Variants in CROCC observed in about 807,000 individuals in gnomAD.
The protein encoded by CROCC is ciliary rootlet coiled-coil, rootletin.
In CROCC, 180 loss-of-function variants were observed where a neutral mutation model predicts 245.2. That is an observed-to-expected ratio of 0.73 (90% CI 0.65 to 0.83). The LOEUF (loss-of-function observed/expected upper bound fraction) is 0.83, where lower values mean the gene tolerates loss of function less well. CROCC is among the 40% of genes least tolerant of loss of function. The pLI, the probability that CROCC is intolerant of heterozygous loss-of-function variation, is 0.00. For missense variants in CROCC, 2,688 were observed against 2,779.4 expected (o/e 0.97, Z 0.74); for synonymous variants, 1,205 against 1,241.6 (o/e 0.97, Z 0.62).
At position 16,954,433 on chromosome 1, in the gene CROCC, C is replaced by T. The variant is rs1477684462; in HGVS notation, c.3321+76C>T. ...TGGCTGAGGAGCCCCCACCACGGGG[C>T]GGCATGGCCCTGTCCTGGAGAAGCT... On this transcript the variant is annotated intron_variant, in intron 22 of 36. Coordinates refer to ENST00000375541, the MANE Select transcript of CROCC (RefSeq NM_014675.5). This position sits in a 1 kb window ranked among gnomAD's most constrained non-coding sequence, Gnocchi z 4.4. 40 of 1,528,394 alleles carry T rather than the reference C, an allele frequency of 2.6e-5. No individual in the cohort carries two copies. Among genetic ancestry groups the T allele is most frequent in the African/African-American group, 8.3e-5 (6 of 72,646 alleles). The allele number at this position is 1,528,394 out of a possible 1,614,324, so 94.7% of individuals were successfully genotyped here.
At chr1:16,947,176 C>T (rs115046634) in intron 17 of CROCC, among the ~76,000 whole-genome samples, 185 bp downstream of exon 17, 1 of 152,272 alleles carries the variant, frequency 6.6e-6, no homozygotes, top group East Asian at 1.9e-4. Flanking sequence ...CTCAGTTGCC[C>T]CATCTATAAC....
chr1:16,947,739 ATATT>A (rs2076081599), intron 17 of CROCC, among the ~76,000 whole-genome samples: 1 of 152,202 alleles, frequency 6.6e-6, no homozygotes, highest in African/African-American at 2.4e-5. Flanking sequence ...TCTGGTTTAT[ATATT>A]CAGCTTCTCT....
chr1:16,947,775 G>A (rs1281935697), intron 17 of CROCC, among the ~76,000 whole-genome samples: 1 of 152,212 alleles, frequency 6.6e-6, no homozygotes, highest in African/African-American at 2.4e-5. Context: ...GTAATACAAG[G>A]GTTCTGTTAC....
rs367916126 is a variant in CROCC, at chr1:16,930,149, C to T, written c.563C>T (p.Ser188Leu). 4.6e-5 allele frequency: 73 copies of T among 1,594,326 alleles called. No individual in the cohort carries two copies. The highest frequency in any genetic ancestry group is 1.9e-4 in the South Asian group (17 of 87,902). Residue 188 changes from serine to leucine, a missense_variant, in exon 5 of 37, where the codon TCG (serine) becomes TTG (leucine). Coordinates refer to ENST00000375541, the MANE Select transcript of CROCC (RefSeq NM_014675.5). ...ATTCTCCAGTACAAGAAGAGGTGCT[C>T]GGAGCTGGAGCAGCAGCTGCTGGAG... ...GKILQYKKRCSELEQQLLERS... is the reference protein window; with the variant it reads ...GKILQYKKRCLELEQQLLERS...
At chr1:16,931,705 C>G (rs1221600511) in intron 8 of CROCC, among the ~76,000 whole-genome samples, 8 of 152,242 alleles carry the variant, frequency 5.3e-5, no homozygotes, top group Non-Finnish European at 1.0e-4. Context: ...GTTGAGTGAT[C>G]TTCCTGAGGT....
At chr1:16,930,086 C>G (rs1456305527) in intron 4 of CROCC, 38 bp from the exon 5 acceptor site, 44 of 1,575,506 alleles carry the variant, frequency 2.8e-5, no homozygotes, top group Non-Finnish European at 3.8e-5. Flanking sequence ...TTGCCCCGCC[C>G]CAACCCCTGG....
At chr1:16,947,734 T>C (rs1223707811) in intron 17 of CROCC, among the ~76,000 whole-genome samples, 1 of 152,216 alleles carries the variant, frequency 6.6e-6, no homozygotes, top group Non-Finnish European at 1.5e-5. Context: ...TTGGGTCTGG[T>C]TTATATATTC....
At chr1:16,942,969 A>G (rs2075964351) in intron 13 of CROCC, among the ~76,000 whole-genome samples, 1 of 152,230 alleles carries the variant, frequency 6.6e-6, no homozygotes, top group African/African-American at 2.4e-5. Context: ...TTGGCCGGGC[A>G]CAGTGGCTCA....
chr1:16,964,130 T>G (rs571830384), intron 27 of CROCC, among the ~76,000 whole-genome samples: 1 of 144,658 alleles, frequency 6.9e-6, no homozygotes, highest in East Asian at 2.0e-4. Context: ...TCTTTTCTTT[T>G]TTCTTTATTT....
chr1:16,971,293 C>T (rs1462472153), intron 35 of CROCC, among the ~76,000 whole-genome samples, 172 bp from the exon 36 acceptor site: 1 of 151,468 alleles, frequency 6.6e-6, no homozygotes, highest in African/African-American at 2.4e-5. Flanking sequence ...GTGCACTCAT[C>T]CTGGGCTCGC....
At chr1:16,953,630 AT>A in intron 21 of CROCC, 149 bp downstream of exon 21, 2 of 693,110 alleles carry the variant, frequency 2.9e-6, no homozygotes, top group Non-Finnish European at 4.7e-6. Flanking sequence ...GGAGGGGAGG[AT>A]TAGAAGGGGG....
upstream of CROCC, chr1:16,921,880 G>C (rs1381666953): frequency 1.7e-5 from 14 of 844,870 alleles, no homozygotes; most frequent in Non-Finnish European, 2.5e-5. Context: ...CCACCGCGGT[G>C]GTCACATGGG....
At chr1:16,951,218 T>C (rs985904606) in intron 20 of CROCC, 96 bp downstream of exon 20, 21 of 1,168,214 alleles carry the variant, frequency 1.8e-5, no homozygotes, top group African/African-American at 1.6e-4. Flanking sequence ...AAATGGGACT[T>C]CCTCTCTGTT....
intron 27 of CROCC, among the ~76,000 whole-genome samples, chr1:16,964,548 C>T (rs926926145): frequency 1.3e-5 from 2 of 152,094 alleles, no homozygotes; most frequent in Admixed American, 6.6e-5. Context: ...GCCACCACAC[C>T]TAATTTTTGT....
rs1247700850 is a variant in CROCC at position 16,969,098 on chromosome 1, T to C, written c.5077-18T>C. ...CAGATGGGAACAGCCCCGATTGTTC[T>C]GGCTGTCCTCCTGCCAGGTGGCCGA... is the stretch of plus-strand genomic sequence containing the variant. On this transcript the variant is annotated intron_variant, in intron 31 of 36. Coordinates refer to ENST00000375541, the MANE Select transcript of CROCC (RefSeq NM_014675.5). 1 of 1,582,764 alleles carries C rather than the reference T, an allele frequency of 6.3e-7. No homozygotes were observed. Among genetic ancestry groups the C allele is most frequent in the African/African-American group, 1.3e-5 (1 of 74,826 alleles).
intron 35 of CROCC, 32 bp from the exon 36 acceptor site, chr1:16,971,433 G>C (rs755930824): frequency 1.3e-6 from 2 of 1,516,892 alleles, no homozygotes; most frequent in Non-Finnish European, 1.8e-6. Flanking sequence ...CTCACACTGG[G>C]CCAGAACGCG....
At chr1:16,943,869 C>T (rs2100445759) in intron 13 of CROCC, among the ~76,000 whole-genome samples, 1 of 152,404 alleles carries the variant, frequency 6.6e-6, no homozygotes, top group Admixed American at 6.5e-5. Context: ...CACACCAGCA[C>T]CTCCATCCAC....
At chr1:16,928,757 C>T (rs1233695648) in intron 3 of CROCC, among the ~76,000 whole-genome samples, 20 of 151,418 alleles carry the variant, frequency 1.3e-4, no homozygotes, top group Admixed American at 3.3e-4. Flanking sequence ...GATCCGAGAT[C>T]GAGCCATTGC....
At chr1:16,963,959 C>G (rs1037899335) in intron 27 of CROCC, among the ~76,000 whole-genome samples, 5 of 151,666 alleles carry the variant, frequency 3.3e-5, no homozygotes, top group Non-Finnish European at 4.4e-5. Flanking sequence ...CTGCACCCAG[C>G]TAATTTTTTG....
Sources: gnomAD v4.1 joint callset for allele counts (sites outside exome capture counted in the v4.1 genomes callset) on GRCh38, gnomAD v4.1.1 for gene constraint, Gnocchi (gnomAD v3.1) non-coding constraint, MANE v1.5 for transcripts, NCBI Gene and HGNC (gene_info 2026-07-23, HGNC 2026-07-21) for gene names.